Variants in MATN2 observed in about 807,000 individuals in gnomAD.
The protein encoded by MATN2 is matrilin 2.
A neutral mutation model predicts 103.2 loss-of-function variants in MATN2; 69 were observed. The ratio of observed to expected loss-of-function variants is 0.67; its 90% CI spans 0.55 to 0.82. The LOEUF (loss-of-function observed/expected upper bound fraction) is 0.82, where lower values mean the gene tolerates loss of function less well. MATN2 is among the 40% of genes least tolerant of loss of function. MATN2 has a pLI of 0.00. For missense variants in MATN2, 1,023 were observed against 1,211.5 expected, an observed-to-expected ratio of 0.84 and a Z score of 2.31; for synonymous variants, 429 against 450.2, an observed-to-expected ratio of 0.95 and a Z score of 0.60.
chr8:97,991,830 T>C lies in MATN2; in HGVS notation c.1082-2650T>C, dbSNP rs189417773. ...CCTCCAGCCTCAGCTTCACAAAGCA[T>C]TGGGATTACAAGCATGAGCCACCAC... On this transcript the variant is annotated intron_variant, in intron 6 of 18. Transcript: ENST00000254898. Among the ~76,000 whole-genome samples, 7 of 152,262 alleles carry C rather than the reference T, an allele frequency of 4.6e-5. No individual in the cohort carries two copies. In the East Asian group the frequency reaches 9.6e-4, roughly 21 times the overall value.
intron 16 of MATN2, among the ~76,000 whole-genome samples, chr8:98,032,563 A>C (rs1180268410): frequency 6.6e-6 from 1 of 151,818 alleles, no homozygotes; most frequent in African/African-American, 2.4e-5. Context: ...AGACAGTTTC[A>C]TTCTGTTGCC....
At chr8:97,913,249 G>A (rs1869612) in intron 2 of MATN2, among the ~76,000 whole-genome samples, 64,852 of 151,786 alleles carry the variant, frequency 0.43, 14,588 homozygotes, top group African/African-American at 0.54. Context: ...CTTCTGCAAC[G>A]CTGGAAGACT....
At position 97,978,836 on chromosome 8, in the gene MATN2, C is replaced by T. The variant is rs1239335093; in HGVS notation, c.959-50C>T. 3 of 1,602,708 alleles carry T rather than the reference C, an allele frequency of 1.9e-6. No individual in the cohort carries two copies. The African/African-American group carries it at 4.0e-5, about 21-fold the overall frequency. On this transcript the variant is annotated intron_variant, in intron 5 of 18. Transcript: ENST00000254898. ...CATTTTGCCCTCATCCTACCATTCC[C>T]TTTTCCTCTGTTTGCATTTCTAATT...
In MATN2 at chr8:97,978,881, T is replaced by C; in HGVS notation, c.959-5T>C. On this transcript the variant is annotated splice_region_variant and splice_polypyrimidine_tract_variant and intron_variant, in intron 5 of 18. Coordinates refer to ENST00000254898, the MANE Select transcript of MATN2 (RefSeq NM_002380.5). ...CTAATTCTGAATGTGTTTTATTCTC[T>C]CCAGCTGTGGACTACTGTGCCTCAG... 2 of 1,613,868 alleles carry C rather than the reference T, an allele frequency of 1.2e-6. No homozygotes were observed. The highest frequency in any genetic ancestry group is 4.5e-5 in the East Asian group (2 of 44,874).
chr8:97,923,736 T>C (rs143517643), intron 2 of MATN2, among the ~76,000 whole-genome samples: 4,422 of 152,310 alleles, frequency 0.029, 80 homozygotes, highest in Middle Eastern at 0.071. Flanking sequence ...TTTGTATTTT[T>C]AGTAGAGACG....
At chr8:97,952,963 C>G (rs1380147626) in intron 4 of MATN2, among the ~76,000 whole-genome samples, 2 of 132,758 alleles carry the variant, frequency 1.5e-5, no homozygotes, top group East Asian at 2.2e-4. Flanking sequence ...CGCTCTGTCT[C>G]CCAGGCTGGA....
chr8:97,941,729 G>A, intron 3 of MATN2, 48 bp from the exon 4 acceptor site: 1 of 1,543,624 alleles, frequency 6.5e-7, no homozygotes, highest in Non-Finnish European at 8.8e-7. Flanking sequence ...GGAATGGAGT[G>A]AGAAAGGGCA....
chr8:98,013,040 C>A (rs1003341572), intron 10 of MATN2, among the ~76,000 whole-genome samples: 7 of 152,142 alleles, frequency 4.6e-5, no homozygotes. Context: ...CTGAAGACAC[C>A]CAGTGGTACT....
At chr8:97,994,307 G>C (rs1220027296) in intron 6 of MATN2, among the ~76,000 whole-genome samples, 173 bp from the exon 7 acceptor site, 1 of 151,158 alleles carries the variant, frequency 6.6e-6, no homozygotes, top group Non-Finnish European at 1.5e-5. Flanking sequence ...TCTCTTAGGA[G>C]AGGCCATATC....
chr8:98,027,695 T>TG lies in MATN2; in HGVS notation c.2223dup (p.Phe742ValfsTer2). ...ATGACTGGGCTGGCCCTGAAACACATGTTTGAGAGAAGTTTTACCCAAGGA... is the reference window on the plus strand; with the variant it reads ...ATGACTGGGCTGGCCCTGAAACACATGGTTTGAGAGAAGTTTTACCCAAGGA... On this transcript the variant is annotated frameshift_variant, in exon 14 of 19. Transcript: ENST00000254898. LOFTEE classifies it high-confidence loss of function. 2 of 1,613,636 alleles carry TG rather than the reference T, an allele frequency of 1.2e-6. No homozygotes were observed. Among genetic ancestry groups the TG allele is most frequent in the Non-Finnish European group, 1.7e-6 (2 of 1,179,798 alleles).
chr8:98,020,093 G>C (rs1813528871), intron 12 of MATN2, among the ~76,000 whole-genome samples: 1 of 152,152 alleles, frequency 6.6e-6, no homozygotes, highest in Non-Finnish European at 1.5e-5. Context: ...TGGAGATTTT[G>C]TCTATAATTC....
At chr8:97,974,441 G>GT (rs1485672507) in intron 5 of MATN2, among the ~76,000 whole-genome samples, 1 of 146,610 alleles carries the variant, frequency 6.8e-6, no homozygotes, top group African/African-American at 2.5e-5. Context: ...GTTTTGTTTT[G>GT]TTTTTTTGTT....
intron 4 of MATN2, among the ~76,000 whole-genome samples, chr8:97,956,781 A>G (rs1450855716): frequency 6.6e-6 from 1 of 152,126 alleles, no homozygotes; most frequent in Non-Finnish European, 1.5e-5. Flanking sequence ...CCTCTTGCTG[A>G]GGATGAGGAG....
chr8:97,987,829 T>C (rs570346032), intron 6 of MATN2, among the ~76,000 whole-genome samples: 7 of 152,100 alleles, frequency 4.6e-5, no homozygotes, highest in Admixed American at 1.3e-4. Flanking sequence ...AATAAAGATC[T>C]GAGCTAAAAT....
chr8:97,980,777 C>T (rs899132670), intron 6 of MATN2, among the ~76,000 whole-genome samples: 3 of 151,892 alleles, frequency 2.0e-5, no homozygotes, highest in Non-Finnish European at 4.4e-5. Flanking sequence ...CCATATTAGC[C>T]AGGCTGGTGT....
intron 2 of MATN2, among the ~76,000 whole-genome samples, chr8:97,905,891 G>C (rs1819154188): frequency 6.6e-6 from 1 of 152,030 alleles, no homozygotes; most frequent in South Asian, 2.1e-4. Context: ...GAACTCCTGG[G>C]CTCAAGCAAT....
At position 97,931,194 on chromosome 8, in the gene MATN2, G is replaced by C. The variant is rs371585254; in HGVS notation, c.384G>C (p.Arg128=). The C allele has an allele frequency of 6.2e-7, 1 of 1,613,156 alleles. No homozygotes were observed. Among genetic ancestry groups the C allele is most frequent in the Admixed American group, 1.7e-5 (1 of 60,006 alleles). ...SEVERAVKRM[R]HLSTGTMTGL... The stretch of plus-strand genomic sequence containing the variant: ...TGGAGCGTGCTGTCAAGAGGATGCG[G>C]CATCTGTCCACGGGCACCATGACTG... The change falls in exon 3 of 19, where the codon CGG becomes CGC. Residue 128 remains arginine (R), a synonymous_variant. Transcript: ENST00000254898. This position sits in a 1 kb window ranked among gnomAD's most constrained non-coding sequence, Gnocchi z 4.1.
chr8:97,874,077 T>A (rs1817986195), intron 1 of MATN2, among the ~76,000 whole-genome samples: 1 of 152,204 alleles, frequency 6.6e-6, no homozygotes, highest in Non-Finnish European at 1.5e-5. Context: ...AGCAAATCAC[T>A]CTAGTGACGT....
At chr8:97,947,033 C>T (rs1366944940) in intron 4 of MATN2, among the ~76,000 whole-genome samples, 3 of 152,076 alleles carry the variant, frequency 2.0e-5, no homozygotes, top group Non-Finnish European at 2.9e-5. Flanking sequence ...GGAGTTTATT[C>T]CAAGAATGCA....
Sources: allele counts gnomAD v4.1 joint callset (sites outside exome capture counted in the v4.1 genomes callset), GRCh38; gene constraint gnomAD v4.1.1; non-coding constraint Gnocchi (gnomAD v3.1); transcripts MANE v1.5; gene names NCBI Gene and HGNC (gene_info 2026-07-23, HGNC 2026-07-21).